Variants in MCF2L2 observed in about 807,000 individuals in gnomAD.
MCF2L2 encodes probable guanine nucleotide exchange factor MCF2L2.
MCF2L2 carries 102 observed loss-of-function variants against 150.2 expected under a neutral mutation model. The ratio of observed to expected loss-of-function variants is 0.68; its 90% CI spans 0.58 to 0.80. The LOEUF (loss-of-function observed/expected upper bound fraction) is 0.80, where lower values mean the gene tolerates loss of function less well. Among genes scored for constraint, MCF2L2 ranks in the 30% least tolerant of loss-of-function variants. The pLI, the probability that MCF2L2 is intolerant of heterozygous loss-of-function variation, is 0.00. For synonymous variants in MCF2L2, 465 were observed against 491.3 expected (o/e 0.95, Z 0.71); for missense variants, 1,256 against 1,372.8 (o/e 0.91, Z 1.34).
chr3:183,229,229 A>G (rs1233614036), intron 17 of MCF2L2, among the ~76,000 whole-genome samples: 2 of 152,200 alleles, frequency 1.3e-5, no homozygotes, highest in Non-Finnish European at 2.9e-5. Context: ...AGCAGCCCCG[A>G]GTTAAAAGTA....
chr3:183,200,596 T>C (rs1722243121), intron 25 of MCF2L2, among the ~76,000 whole-genome samples: 1 of 152,240 alleles, frequency 6.6e-6, no homozygotes. Flanking sequence ...TGATGGTAGT[T>C]TCTTTTGCTG....
At chr3:183,405,715 C>G (rs767865720) in intron 1 of MCF2L2, among the ~76,000 whole-genome samples, 1 of 152,012 alleles carries the variant, frequency 6.6e-6, no homozygotes, top group Non-Finnish European at 1.5e-5. Flanking sequence ...GGGTTGTTTC[C>G]AGTTTCATTT....
Position 183,267,207 on chromosome 3 carries a change from T to C in MCF2L2, c.1862+9665A>G, listed in dbSNP as rs1440494735. Among the ~76,000 whole-genome samples the C allele has an allele frequency of 1.3e-5, 2 of 151,764 alleles. No homozygotes were observed. Among genetic ancestry groups the C allele is most frequent in the Non-Finnish European group, 2.9e-5 (2 of 68,032 alleles). On this transcript the variant is annotated intron_variant, in intron 15 of 29. Coordinates refer to ENST00000328913, the MANE Select transcript of MCF2L2 (RefSeq NM_015078.4). This position sits in a 1 kb window ranked among gnomAD's most constrained non-coding sequence, Gnocchi z 5.5. ...TGCTCTTACTACTCTCAGTACACTCTGTATTTAAAAAAAAAAATGCTGGTT... is the reference window on the plus strand; with the variant it reads ...TGCTCTTACTACTCTCAGTACACTCCGTATTTAAAAAAAAAAATGCTGGTT...
At chr3:183,366,361 C>CA (rs1712520921) in intron 3 of MCF2L2, among the ~76,000 whole-genome samples, 1 of 152,206 alleles carries the variant, frequency 6.6e-6, no homozygotes, top group Non-Finnish European at 1.5e-5. Flanking sequence ...TATTTACCGG[C>CA]TGGGCGCGGT....
chr3:183,180,350 GA>G, intron 27 of MCF2L2, 191 bp from the exon 28 acceptor site: 1 of 521,810 alleles, frequency 1.9e-6, no homozygotes, highest in South Asian at 2.8e-5. Context: ...TTCCAGCGCC[GA>G]GATGCCGTAA....
chr3:183,418,081 G>C (rs1349251714), intron 1 of MCF2L2, among the ~76,000 whole-genome samples: 1 of 152,142 alleles, frequency 6.6e-6, no homozygotes, highest in African/African-American at 2.4e-5. Context: ...CCAGCTACTT[G>C]GGAGGCTGAG....
intron 13 of MCF2L2, among the ~76,000 whole-genome samples, chr3:183,294,680 G>C (rs1038483261): frequency 6.7e-6 from 1 of 148,902 alleles, no homozygotes; most frequent in Non-Finnish European, 1.5e-5. Flanking sequence ...CCAGGATGGA[G>C]TGCAGTGGCG....
At chr3:183,233,635 T>C (rs918096554) in intron 15 of MCF2L2, among the ~76,000 whole-genome samples, 9 of 152,172 alleles carry the variant, frequency 5.9e-5, no homozygotes, top group Non-Finnish European at 1.2e-4. Context: ...AGAAAATTTA[T>C]GCAAAGAAAC....
At chr3:183,307,790 A>G (rs1003709706) in intron 10 of MCF2L2, among the ~76,000 whole-genome samples, 1 of 152,246 alleles carries the variant, frequency 6.6e-6, no homozygotes. Flanking sequence ...AAATCCTCAC[A>G]AAAGATCTCA....
chr3:183,291,362 T>C (rs1052828707), intron 13 of MCF2L2, among the ~76,000 whole-genome samples: 16 of 152,262 alleles, frequency 1.1e-4, no homozygotes, highest in Middle Eastern at 3.4e-3. Flanking sequence ...ATCTGTAAAG[T>C]AGGGAAAAAT....
intron 2 of MCF2L2, among the ~76,000 whole-genome samples, chr3:183,384,456 TTGAGA>T (rs964393140): frequency 2.0e-5 from 3 of 152,218 alleles, no homozygotes; most frequent in African/African-American, 7.2e-5. Context: ...AGATCAGTGC[TTGAGA>T]TATTTTGCAA....
chr3:183,192,301 GC>G (rs1721925196), intron 27 of MCF2L2, among the ~76,000 whole-genome samples: 1 of 151,912 alleles, frequency 6.6e-6, no homozygotes, highest in African/African-American at 2.4e-5. Flanking sequence ...ACCACGCCCG[GC>G]TGATTTTTGT....
chr3:183,187,842 G>A (rs948310304), intron 27 of MCF2L2, among the ~76,000 whole-genome samples: 14 of 152,176 alleles, frequency 9.2e-5, no homozygotes, highest in African/African-American at 3.1e-4. Flanking sequence ...AAGTTGTGTA[G>A]GTCCTTACTG....
intron 3 of MCF2L2, among the ~76,000 whole-genome samples, chr3:183,360,968 GAA>G (rs201452808): frequency 3.6e-5 from 2 of 56,142 alleles, no homozygotes; most frequent in African/African-American, 1.4e-4. Flanking sequence ...GAAAAGAAAA[GAA>G]AAGAAAAGAA....
At chr3:183,370,587 G>T (rs1712815303) in intron 3 of MCF2L2, among the ~76,000 whole-genome samples, 2 of 152,240 alleles carry the variant, frequency 1.3e-5, no homozygotes, top group Admixed American at 6.5e-5. Flanking sequence ...ATGACGCAAA[G>T]GCAGAACAGT....
intron 18 of MCF2L2, chr3:183,225,280 G>A (rs1052065324): frequency 6.6e-6 from 1 of 152,078 alleles, no homozygotes; most frequent in African/African-American, 2.4e-5. Context: ...ATTCCCTCCA[G>A]GAAAAAAATG....
chr3:183,222,421 G>C (rs188122968), intron 20 of MCF2L2, among the ~76,000 whole-genome samples: 2 of 152,056 alleles, frequency 1.3e-5, no homozygotes, highest in African/African-American at 2.4e-5. Context: ...ATGGCGGCGC[G>C]TGCCTGTAAT....
intron 3 of MCF2L2, among the ~76,000 whole-genome samples, chr3:183,367,882 A>G (rs1303285797): frequency 6.6e-6 from 1 of 152,226 alleles, no homozygotes; most frequent in African/African-American, 2.4e-5. Context: ...GATACTGTCT[A>G]AAGTCGATGA....
At chr3:183,297,422 A>G in intron 11 of MCF2L2, 1 of 423,220 alleles carries the variant, frequency 2.4e-6, no homozygotes, top group Admixed American at 4.0e-5. Flanking sequence ...TTCCATTAAC[A>G]GTAATTGCTA....
Sources: allele counts gnomAD v4.1 joint callset (sites outside exome capture counted in the v4.1 genomes callset), GRCh38; gene constraint gnomAD v4.1.1; non-coding constraint Gnocchi (gnomAD v3.1); transcripts MANE v1.5; gene names NCBI Gene and HGNC (gene_info 2026-07-23, HGNC 2026-07-21).